KCNB2: variants seen among roughly 807,000 people sequenced by gnomAD.
KCNB2 encodes delayed rectifier potassium channel protein.
KCNB2 carries 15 observed loss-of-function variants against 61.5 expected under a neutral mutation model. That is an observed-to-expected ratio of 0.24 (90% CI 0.16 to 0.38). KCNB2 has a LOEUF of 0.38. Among genes scored for constraint, KCNB2 ranks in the 10% least tolerant of loss-of-function variants. The probability of loss-of-function intolerance (pLI) is 1.00; values close to 1 mark genes in which losing one functional copy is unlikely to be tolerated. For synonymous variants in KCNB2, 457 were observed against 446.0 expected (o/e 1.02, Z -0.31); for missense variants, 828 against 1,125.2 (o/e 0.74, Z 3.78).
chr8:72,590,224 A>C (rs75912228), intron 2 of KCNB2, among the ~76,000 whole-genome samples: 3 of 152,310 alleles, frequency 2.0e-5, no homozygotes, highest in Non-Finnish European at 2.9e-5. Context: ...TTTAGGTATC[A>C]TGTGGTACAG....
intron 2 of KCNB2, among the ~76,000 whole-genome samples, chr8:72,711,758 G>A (rs1331588672): frequency 1.5e-5 from 1 of 68,918 alleles, no homozygotes; most frequent in African/African-American, 1.4e-4. Context: ...GGGAGGCCAA[G>A]GTGGGCGGCA....
intron 2 of KCNB2, among the ~76,000 whole-genome samples, chr8:72,589,361 G>GA (rs773334055): frequency 6.6e-6 from 1 of 150,870 alleles, no homozygotes; most frequent in African/African-American, 2.4e-5. Context: ...AAGAAAAAAA[G>GA]AAAAAAAAAG....
At chr8:72,648,792 G>T (rs1160904215) in intron 2 of KCNB2, among the ~76,000 whole-genome samples, 2 of 152,002 alleles carry the variant, frequency 1.3e-5, no homozygotes, top group Non-Finnish European at 2.9e-5. Context: ...TTATAATTCA[G>T]AAATGACATC....
chr8:72,606,098 T>G (rs1358246353), intron 2 of KCNB2, among the ~76,000 whole-genome samples: 1 of 152,230 alleles, frequency 6.6e-6, no homozygotes, highest in African/African-American at 2.4e-5. Context: ...TTAGAATAAG[T>G]TAAATTGGTA....
At chr8:72,766,980 G>A (rs997496757) in intron 2 of KCNB2, among the ~76,000 whole-genome samples, 10 of 151,918 alleles carry the variant, frequency 6.6e-5, no homozygotes, top group Middle Eastern at 3.4e-3. Context: ...AGCAGCAAGA[G>A]AAAAAAAATG....
At chr8:72,829,726 AT>A (rs1251850400) in intron 2 of KCNB2, among the ~76,000 whole-genome samples, 8 of 152,060 alleles carry the variant, frequency 5.3e-5, no homozygotes, top group Non-Finnish European at 7.4e-5. Context: ...ACATTCCAAT[AT>A]TACCCTTTAA....
Position 72,709,758 on chromosome 8 carries a change from G to A in KCNB2, c.579+141445G>A, listed in dbSNP as rs187764968. 8.9e-4 allele frequency among the ~76,000 whole-genome samples: 135 copies of A among 152,120 alleles called. 1 individual carries two copies. The highest frequency in any genetic ancestry group is 3.3e-3 in the African/African-American group (135 of 41,496). ...ACATTTCAACATGAGAGTTGGAGGG[G>A]ACAAACATCCAAACCATATCACCTT... On this transcript the variant is annotated intron_variant, in intron 2 of 2. Transcript: ENST00000523207.
chr8:72,845,124 G>C (rs1809964581), intron 2 of KCNB2, among the ~76,000 whole-genome samples: 1 of 152,122 alleles, frequency 6.6e-6, no homozygotes, highest in Non-Finnish European at 1.5e-5. Flanking sequence ...TGGGGTTTTT[G>C]TGTGGATGTC....
At chr8:72,635,130 G>A (rs889913141) in intron 2 of KCNB2, among the ~76,000 whole-genome samples, 1 of 152,164 alleles carries the variant, frequency 6.6e-6, no homozygotes. Context: ...GAAGCTTGGC[G>A]TGAAGGCTGG....
chr8:72,686,075 C>A (rs1806848158), intron 2 of KCNB2, among the ~76,000 whole-genome samples: 1 of 152,186 alleles, frequency 6.6e-6, no homozygotes, highest in African/African-American at 2.4e-5. Flanking sequence ...GCCTGAAGGG[C>A]AGCACAAGAA....
At chr8:72,599,394 A>G (rs776656883) in intron 2 of KCNB2, among the ~76,000 whole-genome samples, 22 of 152,236 alleles carry the variant, frequency 1.4e-4, no homozygotes, top group Non-Finnish European at 1.5e-5. Flanking sequence ...CTGACTAGCC[A>G]TATATAGAAA....
chr8:72,632,275 A>G (rs1361319984), intron 2 of KCNB2, among the ~76,000 whole-genome samples: 1 of 152,142 alleles, frequency 6.6e-6, no homozygotes, highest in Non-Finnish European at 1.5e-5. Context: ...ATGGAAAAAA[A>G]TCAAAAGACG....
chr8:72,744,622 G>T (rs944797955), intron 2 of KCNB2, among the ~76,000 whole-genome samples: 1 of 152,110 alleles, frequency 6.6e-6, no homozygotes, highest in Admixed American at 6.6e-5. Context: ...GGAAAGATGG[G>T]GAGCCTTTCC....
At chr8:72,586,009 C>G (rs1390470246) in intron 2 of KCNB2, among the ~76,000 whole-genome samples, 1 of 152,176 alleles carries the variant, frequency 6.6e-6, no homozygotes, top group African/African-American at 2.4e-5. Context: ...CTCTTTCACT[C>G]TAAGTAGACT....
chr8:72,759,075 T>C (rs1223978102), intron 2 of KCNB2, among the ~76,000 whole-genome samples: 3 of 152,182 alleles, frequency 2.0e-5, no homozygotes, highest in Non-Finnish European at 4.4e-5. Context: ...GAAAGTGTTA[T>C]GTTGGGGCCA....
chr8:72,633,443 C>A (rs886917844), intron 2 of KCNB2, among the ~76,000 whole-genome samples: 1 of 152,164 alleles, frequency 6.6e-6, no homozygotes, highest in East Asian at 1.9e-4. Flanking sequence ...CTTAACTACA[C>A]CTCCAAAGTG....
At chr8:72,915,318 C>G (rs570681837) in intron 2 of KCNB2, among the ~76,000 whole-genome samples, 7 of 152,286 alleles carry the variant, frequency 4.6e-5, no homozygotes, top group African/African-American at 1.7e-4. Context: ...CCCTCTTCCT[C>G]CACATCCACT....
intron 2 of KCNB2, among the ~76,000 whole-genome samples, chr8:72,780,140 T>C (rs1032757649): frequency 1.3e-5 from 2 of 152,194 alleles, no homozygotes; most frequent in African/African-American, 2.4e-5. Context: ...AAGAGCCAAA[T>C]ACTTTACGCT....
intron 2 of KCNB2, among the ~76,000 whole-genome samples, chr8:72,802,668 AC>A (rs1211930345): frequency 1.3e-5 from 2 of 152,162 alleles, no homozygotes; most frequent in Admixed American, 6.5e-5. Flanking sequence ...CTGAAGCCTG[AC>A]TTCATTCAGC....
Sources: allele counts gnomAD v4.1 joint callset (sites outside exome capture counted in the v4.1 genomes callset), GRCh38; gene constraint gnomAD v4.1.1; transcripts MANE v1.5; gene names NCBI Gene and HGNC (gene_info 2026-07-23, HGNC 2026-07-21).